The following NEK7 variants were observed in gnomAD, a reference collection of about 807,000 sequenced individuals.
NEK7 encodes the protein NIMA related kinase 7.
NEK7 carries 18 observed loss-of-function variants against 44.6 expected under a neutral mutation model. The observed-to-expected ratio is 0.40, with a 90% confidence interval of 0.28 to 0.60. The LOEUF is 0.60. Among genes scored for constraint, NEK7 ranks in the 20% least tolerant of loss-of-function variants. The pLI, the probability that NEK7 is intolerant of heterozygous loss-of-function variation, is 0.38. For synonymous variants in NEK7, 130 were observed against 121.1 expected, an observed-to-expected ratio of 1.07 and a Z score of -0.48; for missense variants, 256 against 366.5, an observed-to-expected ratio of 0.70 and a Z score of 2.46.
intron 5 of NEK7, among the ~76,000 whole-genome samples, chr1:198,276,851 G>C (rs1654032551): frequency 6.6e-6 from 1 of 151,574 alleles, no homozygotes; most frequent in South Asian, 2.1e-4. Context: ...TCCTTGTACT[G>C]TTTTTCCATT....
intron 1 of NEK7, among the ~76,000 whole-genome samples, chr1:198,160,978 A>G (rs1467610176): frequency 2.0e-5 from 3 of 152,222 alleles, no homozygotes; most frequent in East Asian, 3.8e-4. Flanking sequence ...ACAGATGATC[A>G]TGAAGCATTC....
chr1:198,287,667 G>A (rs1297486632), intron 7 of NEK7, among the ~76,000 whole-genome samples: 1 of 151,736 alleles, frequency 6.6e-6, no homozygotes, highest in African/African-American at 2.4e-5. Context: ...GCATGTTTGT[G>A]TGTGAGTTTA....
intron 1 of NEK7, among the ~76,000 whole-genome samples, chr1:198,179,402 T>G (rs1172173669): frequency 6.6e-6 from 1 of 152,118 alleles, no homozygotes; most frequent in East Asian, 1.9e-4. Flanking sequence ...GCTTTATTTT[T>G]TTATCCAGTA....
intron 1 of NEK7, among the ~76,000 whole-genome samples, chr1:198,185,258 T>G (rs80192420): frequency 0.099 from 14,842 of 149,686 alleles, 988 homozygotes; most frequent in East Asian, 0.21. Flanking sequence ...TGTTTGAACT[T>G]TGTTCTTCAT....
chr1:198,175,007 C>T (rs947730659), intron 1 of NEK7, among the ~76,000 whole-genome samples: 1 of 152,096 alleles, frequency 6.6e-6, no homozygotes, highest in Admixed American at 6.6e-5. Context: ...AGCCTCCCAC[C>T]GTGGCTTCCC....
chr1:198,233,245 G>A (rs956989844), intron 2 of NEK7, among the ~76,000 whole-genome samples: 5 of 151,894 alleles, frequency 3.3e-5, no homozygotes, highest in Non-Finnish European at 5.9e-5. Context: ...TATTTCTCCT[G>A]TGATATATTT....
intron 2 of NEK7, among the ~76,000 whole-genome samples, chr1:198,236,615 G>A (rs1666550677): frequency 6.6e-6 from 1 of 152,072 alleles, no homozygotes; most frequent in Non-Finnish European, 1.5e-5. Flanking sequence ...TGAAGAAACT[G>A]AAGCAGTCAG....
At chr1:198,207,533 A>G (rs888013925) in intron 1 of NEK7, among the ~76,000 whole-genome samples, 1 of 152,208 alleles carries the variant, frequency 6.6e-6, no homozygotes, top group Non-Finnish European at 1.5e-5. Context: ...AGCCATAAAA[A>G]TGAACAAACT....
chr1:198,208,014 T>C (rs1665649478), intron 1 of NEK7, among the ~76,000 whole-genome samples: 1 of 152,240 alleles, frequency 6.6e-6, no homozygotes, highest in Admixed American at 6.5e-5. Context: ...CAATTTTAGA[T>C]ACATTTCTAA....
chr1:198,256,658 A>C (rs749757865), intron 3 of NEK7: 228 of 728,450 alleles, frequency 3.1e-4, no homozygotes, highest in Middle Eastern at 8.1e-4. Flanking sequence ...AGGCTTTAGG[A>C]AGATTAAGAT....
chr1:198,295,294 G>A (rs1654680562), intron 8 of NEK7, among the ~76,000 whole-genome samples: 2 of 152,068 alleles, frequency 1.3e-5, no homozygotes, highest in Non-Finnish European at 2.9e-5. Context: ...AAAGAGAGCT[G>A]CCACCAGCCC....
intron 1 of NEK7, among the ~76,000 whole-genome samples, chr1:198,231,301 G>GTATATATATATA (rs749263549): frequency 3.0e-4 from 26 of 86,896 alleles, no homozygotes; most frequent in Admixed American, 8.1e-4. Context: ...ATGTGTGTGT[G>GTATATATATATA]TATATATATA....
chr1:198,159,788 T>C (rs1340034672), intron 1 of NEK7, among the ~76,000 whole-genome samples: 4 of 152,150 alleles, frequency 2.6e-5, no homozygotes, highest in African/African-American at 7.2e-5. Context: ...TATGGTATGA[T>C]GGCAGTGTAC....
chr1:198,228,486 C>A (rs1666292931), intron 1 of NEK7, among the ~76,000 whole-genome samples: 1 of 152,018 alleles, frequency 6.6e-6, no homozygotes, highest in Non-Finnish European at 1.5e-5. Flanking sequence ...GATATTGATT[C>A]TTCCTACCCA....
intron 5 of NEK7, among the ~76,000 whole-genome samples, chr1:198,271,864 T>TTTATATATA (rs1653854452): frequency 1.4e-5 from 2 of 148,006 alleles, no homozygotes; most frequent in Non-Finnish European, 3.0e-5. Context: ...TACCCAGGAT[T>TTTATATATA]GAATATTATT....
At chr1:198,289,532 G>A (rs1654481552) in intron 7 of NEK7, among the ~76,000 whole-genome samples, 1 of 152,110 alleles carries the variant, frequency 6.6e-6, no homozygotes, top group African/African-American at 2.4e-5. Flanking sequence ...ACTAGTTAGT[G>A]GCAAATGTAA....
chr1:198,185,497 C>G (rs952371442), intron 1 of NEK7, among the ~76,000 whole-genome samples: 2 of 152,020 alleles, frequency 1.3e-5, no homozygotes, highest in African/African-American at 2.4e-5. Context: ...CTATGAAAGT[C>G]TTACTCTGAC....
At chr1:198,165,854 A>G (rs1332224721) in intron 1 of NEK7, among the ~76,000 whole-genome samples, 1 of 152,220 alleles carries the variant, frequency 6.6e-6, no homozygotes, top group African/African-American at 2.4e-5. Flanking sequence ...CATATTGGAA[A>G]TCTGTTGTTT....
chr1:198,262,107 C>T (rs1451734714), intron 3 of NEK7, among the ~76,000 whole-genome samples: 1 of 151,890 alleles, frequency 6.6e-6, no homozygotes, highest in African/African-American at 2.4e-5. Flanking sequence ...AGATGGATAA[C>T]TCTGAGAATG....
Sources: gnomAD v4.1 joint callset for allele counts (sites outside exome capture counted in the v4.1 genomes callset) on GRCh38, gnomAD v4.1.1 for gene constraint, MANE v1.5 for transcripts, NCBI Gene and HGNC (gene_info 2026-07-23, HGNC 2026-07-21) for gene names.